The following SIGLEC12 variants were observed in gnomAD, a reference collection of about 807,000 sequenced individuals.
The protein encoded by SIGLEC12 is sialic acid binding Ig like lectin 12, also known as sialic acid-binding Ig-like lectin 12.
Under a neutral mutation model 54.1 loss-of-function variants are expected in SIGLEC12, and 43 were observed. The observed-to-expected ratio is 0.80, with a 90% CI of 0.62 to 1.03. The LOEUF is 1.03. Ranked by LOEUF, SIGLEC12 falls within the 50% of genes least tolerant of loss-of-function variation. The pLI is 0.00. For missense variants in SIGLEC12, 802 were observed against 735.2 expected (o/e 1.09, Z -1.05); for synonymous variants, 357 against 307.6 (o/e 1.16, Z -1.68).
At position 51,499,720 on chromosome 19, in the gene SIGLEC12, GT is replaced by G. The variant is rs746988202; in HGVS notation, c.809-5del. ...AAGGTGGGCATGTGAGTCAGGGCTG[GT>G]GATGAAAGGGAGACAGGCAAAATGA... On this transcript the variant is annotated splice_polypyrimidine_tract_variant and splice_region_variant and intron_variant, in intron 2 of 7. Coordinates refer to ENST00000291707, the MANE Select transcript of SIGLEC12 (RefSeq NM_053003.4). 6.2e-7 allele frequency: 1 copy of G among 1,613,602 alleles called. No individual in the cohort carries two copies. The highest frequency in any genetic ancestry group is 8.5e-7 in the Non-Finnish European group (1 of 1,179,788).
Position 51,491,738 on chromosome 19 carries a change from T to C in SIGLEC12, c.1691A>G (p.Gln564Arg). The C allele has an allele frequency of 6.2e-7, 1 of 1,613,692 alleles. No homozygotes were observed. The highest frequency in any genetic ancestry group is 8.5e-7 in the Non-Finnish European group (1 of 1,179,838). The change falls in exon 8 of 8, where the codon CAG becomes CGG. Residue 564 changes from glutamine (Q) to arginine (R), a missense_variant. Coordinates refer to ENST00000291707, the MANE Select transcript of SIGLEC12 (RefSeq NM_053003.4). ...ATPSPEEGEI[Q>R]YASLSFHKAR... is the part of the protein sequence containing the mutation. ...TTTGTGGAAGCTGAGGGATGCATAC[T>C]GGATCTCTCCTTCCTCTGGGGAGGG...
chr19:51,499,044 G>A, intron 4 of SIGLEC12, 126 bp downstream of exon 4: 1 of 913,418 alleles, frequency 1.1e-6, no homozygotes, highest in Non-Finnish European at 1.8e-6. Flanking sequence ...CCAAAAGGCT[G>A]AGGCTGAGGG....
rs1990383704 is a variant in SIGLEC12, at chr19:51,501,194, C to T, written c.427+113G>A. ...GGAAGCTCAGGCTCTGGTCCAGCTC[C>T]TCCCCTGAGTCCATCACCCCCGGCC... is the stretch of plus-strand genomic sequence containing the variant. On this transcript the variant is annotated intron_variant, in intron 1 of 7. Transcript: ENST00000291707. 6 of 1,154,912 alleles carry T rather than the reference C, an allele frequency of 5.2e-6. No individual in the cohort carries two copies. In the East Asian group the frequency reaches 1.4e-4, roughly 27 times the overall value. 71.5% of individuals were successfully genotyped at this position (1,154,912 alleles called of 1,614,324 possible).
chr19:51,492,678 G>A (rs1990138627), intron 7 of SIGLEC12, among the ~76,000 whole-genome samples: 1 of 152,190 alleles, frequency 6.6e-6, no homozygotes, highest in Admixed American at 6.5e-5. Context: ...TAGATTGGAA[G>A]ATGCCAGGCT....
Position 51,495,731 on chromosome 19 carries a change from C to T in SIGLEC12, c.1599+1149G>A, listed in dbSNP as rs1171121681. ...TTTTAAATGTTTTCCACAGATGGGT[C>T]GCTGGCATCTTCTCTTAGGAGATGC... is the stretch of plus-strand genomic sequence containing the variant. On this transcript the variant is annotated intron_variant, in intron 7 of 7. Transcript: ENST00000291707. Among the ~76,000 whole-genome samples the T allele has an allele frequency of 2.6e-5, 4 of 152,118 alleles. No homozygotes were observed. The South Asian group carries it at 8.3e-4, about 32-fold the overall frequency.
rs775396520 is a variant in SIGLEC12 at position 51,491,702 on chromosome 19, T to C, written c.1727A>G (p.Gln576Arg). Residue 576 changes from glutamine (Q) to arginine (R), a missense_variant, in exon 8 of 8, where the codon CAG becomes CGG. Physicochemically the swap from Gln to Arg is conservative, Grantham distance 43. Coordinates refer to ENST00000291707, the MANE Select transcript of SIGLEC12 (RefSeq NM_053003.4). ...ASLSFHKARPQYPQEQEAIGY... is the reference protein window; with the variant it reads ...ASLSFHKARPRYPQEQEAIGY... ...GATGGCCTCCTGTTCCTGTGGGTACTGAGGCCTCGCTTTGTGGAAGCTGAG... is the reference window on the plus strand; with the variant it reads ...GATGGCCTCCTGTTCCTGTGGGTACCGAGGCCTCGCTTTGTGGAAGCTGAG... The C allele has an allele frequency of 1.2e-6, 2 of 1,614,020 alleles. No individual in the cohort carries two copies. Among genetic ancestry groups the C allele is most frequent in the South Asian group, 2.2e-5 (2 of 91,076 alleles).
chr19:51,493,051 T>A (rs536189273), intron 7 of SIGLEC12, among the ~76,000 whole-genome samples: 2 of 152,268 alleles, frequency 1.3e-5, no homozygotes, highest in East Asian at 3.9e-4. Flanking sequence ...CTGTTTGTGA[T>A]TTCACTCCCC....
rs747330609 is a variant in SIGLEC12, at chr19:51,501,641, G to A, written c.93C>T (p.Ser31=). ...QKDYLLTMQK[S]VTVQEGLCVS... is the part of the protein sequence containing the mutation. ...CACACAGGCCCTCCTGCACCGTCAC[G>A]GACTTCTGCATTGTCAGCAGGTAAT... Residue 31 remains serine, a synonymous_variant, in exon 1 of 8, where the codon TCC becomes TCT. Transcript: ENST00000291707. 91 of 1,614,048 alleles carry A rather than the reference G, an allele frequency of 5.6e-5. No homozygotes were observed. The highest frequency in any genetic ancestry group is 8.8e-5 in the South Asian group (8 of 91,082).
Position 51,499,577 on chromosome 19 carries a change from G to C in SIGLEC12, c.948C>G (p.Ser316=). Reference sequence around the variant, plus strand: ...AGGAGCGAGTGATAGTGGGGTCCAGGGAGGACACGGAGGCCCCCATCCAGG... The same window carrying C: ...AGGAGCGAGTGATAGTGGGGTCCAGCGAGGACACGGAGGCCCCCATCCAGG... ...TITWMGASVS[S]LDPTITRSSM... Residue 316 remains serine (S), a synonymous_variant, in exon 3 of 8, where the codon TCC becomes TCG. Coordinates refer to ENST00000291707, the MANE Select transcript of SIGLEC12 (RefSeq NM_053003.4). The C allele has an allele frequency of 6.2e-7, 1 of 1,612,460 alleles. No individual in the cohort carries two copies. Among genetic ancestry groups the C allele is most frequent in the Non-Finnish European group, 8.5e-7 (1 of 1,179,176 alleles).
rs1441023949 is a variant in SIGLEC12 at position 51,498,237 on chromosome 19, A to G, written c.1186T>C (p.Ser396Pro). Reference protein sequence around the residue: ...GSALSVLEGQSLHLVCAVDSN... With the variant: ...GSALSVLEGQPLHLVCAVDSN... ...TCGACAGCACAGACAAGGTGCAGGG[A>G]CTGGCCCTCCAGGACTGAAAGGGCC... The change falls in exon 5 of 8, where the codon TCC (serine) becomes CCC (proline). Residue 396 changes from serine (S) to proline (P), a missense_variant. By Grantham distance (74) the Ser-to-Pro change is moderately conservative. Transcript: ENST00000291707. The G allele has an allele frequency of 1.2e-6, 2 of 1,613,968 alleles. No homozygotes were observed. Among genetic ancestry groups the G allele is most frequent in the Admixed American group, 1.7e-5 (1 of 60,010 alleles).
chr19:51,498,737 T>C (rs928570399), intron 4 of SIGLEC12, among the ~76,000 whole-genome samples: 1 of 152,202 alleles, frequency 6.6e-6, no homozygotes, highest in Non-Finnish European at 1.5e-5. Context: ...ATCTTCCAGG[T>C]GCACAAACCA....
chr19:51,496,864 T>C lies in SIGLEC12; in HGVS notation c.1599+16A>G, dbSNP rs374456883. 1.5e-5 allele frequency: 24 copies of C among 1,607,900 alleles called. 1 individual carries two copies. The Middle Eastern group carries it at 6.6e-4, about 44-fold the overall frequency. The stretch of plus-strand genomic sequence containing the variant: ...AGAAAGCAGGGGAGAAGGGCTGTGA[T>C]TCAATGCTCACTCACCTGAGAGGCT... On this transcript the variant is annotated intron_variant, in intron 7 of 7. Coordinates refer to ENST00000291707, the MANE Select transcript of SIGLEC12 (RefSeq NM_053003.4).
At position 51,499,735 on chromosome 19, in the gene SIGLEC12, CA is replaced by C. The variant is rs1568531682; in HGVS notation, c.809-20del. Reference sequence around the variant, plus strand: ...GTCAGGGCTGGTGATGAAAGGGAGACAGGCAAAATGAGGGTGTTGGGGTCTG... The same window carrying C: ...GTCAGGGCTGGTGATGAAAGGGAGACGGCAAAATGAGGGTGTTGGGGTCTG... On this transcript the variant is annotated intron_variant, in intron 2 of 7. Coordinates refer to ENST00000291707, the MANE Select transcript of SIGLEC12 (RefSeq NM_053003.4). 6.2e-7 allele frequency: 1 copy of C among 1,612,236 alleles called. No individual in the cohort carries two copies. Among genetic ancestry groups the C allele is most frequent in the East Asian group, 2.2e-5 (1 of 44,870 alleles).
chr19:51,495,038 A>G (rs1990186695), intron 7 of SIGLEC12, among the ~76,000 whole-genome samples: 1 of 152,104 alleles, frequency 6.6e-6, no homozygotes, highest in Admixed American at 6.6e-5. Context: ...GCAAGATAAA[A>G]GGGTTCTAGA....
At chr19:51,500,677 G>T (rs895002659) in intron 1 of SIGLEC12, among the ~76,000 whole-genome samples, 1 of 151,912 alleles carries the variant, frequency 6.6e-6, no homozygotes. Flanking sequence ...CTGCCCTCCC[G>T]GCCTCTGGAC....
chr19:51,497,107 C>G, intron 6 of SIGLEC12, 131 bp from the exon 7 acceptor site: 1 of 1,426,374 alleles, frequency 7.0e-7, no homozygotes, highest in South Asian at 1.2e-5. Context: ...GGTCCCATTC[C>G]AGAGACCCCA....
chr19:51,492,765 C>T (rs1412660004), intron 7 of SIGLEC12, among the ~76,000 whole-genome samples: 3 of 152,170 alleles, frequency 2.0e-5, no homozygotes, highest in East Asian at 3.9e-4. Context: ...GGTGAGAAAG[C>T]GCATCCTCCC....
intron 6 of SIGLEC12, 116 bp from the exon 7 acceptor site, chr19:51,497,092 G>T: frequency 6.6e-7 from 1 of 1,519,514 alleles, no homozygotes; most frequent in Non-Finnish European, 9.0e-7. Context: ...AGGCGGGAGG[G>T]GAGTGGTCCC....
intron 7 of SIGLEC12, among the ~76,000 whole-genome samples, chr19:51,495,405 GTGGGTGGGTGGA>G (rs1990215984): frequency 1.1e-5 from 1 of 89,318 alleles, no homozygotes; most frequent in South Asian, 4.4e-4. Flanking sequence ...GGATGGGTGG[GTGGGTGGGTGGA>G]TGGATGGATG....
Sources: allele counts gnomAD v4.1 joint callset (sites outside exome capture counted in the v4.1 genomes callset), GRCh38; gene constraint gnomAD v4.1.1; transcripts MANE v1.5; gene names NCBI Gene and HGNC (gene_info 2026-07-23, HGNC 2026-07-21).